The following MDGA2 variants were observed in gnomAD, a reference collection of about 807,000 sequenced individuals.
MDGA2 encodes MAM domain containing glycosylphosphatidylinositol anchor 2.
MDGA2 carries 40 observed loss-of-function variants against 117.8 expected under a neutral mutation model. That is an observed-to-expected ratio of 0.34 (90% CI 0.26 to 0.44). The LOEUF (loss-of-function observed/expected upper bound fraction) is 0.44, where lower values mean the gene tolerates loss of function less well. Ranked by LOEUF, MDGA2 falls within the 20% of genes least tolerant of loss-of-function variation. MDGA2 has a pLI of 1.00. For missense variants in MDGA2, 1,123 were observed against 1,250.6 expected (o/e 0.90, Z 1.54); for synonymous variants, 452 against 439.0 (o/e 1.03, Z -0.37).
At chr14:47,295,006 T>A (rs1173777463) in intron 2 of MDGA2, among the ~76,000 whole-genome samples, 1 of 152,234 alleles carries the variant, frequency 6.6e-6, no homozygotes, top group East Asian at 1.9e-4. Context: ...TAGCCAAATT[T>A]TTTTATGCAA....
chr14:47,198,558 C>T (rs1039678252), intron 3 of MDGA2, among the ~76,000 whole-genome samples: 6 of 151,616 alleles, frequency 4.0e-5, no homozygotes, highest in South Asian at 2.1e-4. Flanking sequence ...GGCGACAGAG[C>T]GAGACTCCGT....
At chr14:46,951,888 A>T (rs1279379801) in intron 9 of MDGA2, among the ~76,000 whole-genome samples, 2 of 151,988 alleles carry the variant, frequency 1.3e-5, no homozygotes, top group African/African-American at 4.8e-5. Context: ...GTAATTCTTT[A>T]TGCAGAAATA....
chr14:46,896,317 A>G (rs1484732876), intron 10 of MDGA2, among the ~76,000 whole-genome samples: 2 of 152,182 alleles, frequency 1.3e-5, no homozygotes, highest in African/African-American at 4.8e-5. Flanking sequence ...AAAAGTAAGA[A>G]AAACAGGCAA....
rs767561845 is a variant in MDGA2 at position 46,855,039 on chromosome 14, T to C, written c.2868A>G (p.Pro956=). The C allele has an allele frequency of 2.5e-6, 4 of 1,600,048 alleles. No homozygotes were observed. In the African/African-American group the frequency reaches 4.1e-5, roughly 16 times the overall value. Residue 956 remains proline (P), a synonymous_variant, in exon 15 of 17, where the codon CCA becomes CCG. Transcript: ENST00000399232. This position sits in a 1 kb window ranked among gnomAD's most constrained non-coding sequence, Gnocchi z 4.1. The part of the protein sequence containing the change: ...RWNEAHVNIY[P]ITSFQLIFEG... The stretch of plus-strand genomic sequence containing the variant: ...CTTTTCTTACCTGAAATGAAGTAAT[T>C]GGGTATATATTAACATGAGCCTCAT...
intron 1 of MDGA2, among the ~76,000 whole-genome samples, chr14:47,514,167 G>T (rs570835294): frequency 2.4e-4 from 36 of 152,130 alleles, no homozygotes; most frequent in African/African-American, 8.4e-4. Context: ...AAAGGTGGAG[G>T]GAAGACTTAC....
intron 8 of MDGA2, among the ~76,000 whole-genome samples, chr14:46,993,586 C>T (rs1014229531): frequency 1.3e-5 from 2 of 151,792 alleles, no homozygotes; most frequent in South Asian, 4.2e-4. Flanking sequence ...ATCAGCCTCC[C>T]GAGTATCTGG....
chr14:47,490,415 T>C (rs1404896378), intron 1 of MDGA2, among the ~76,000 whole-genome samples: 1 of 152,116 alleles, frequency 6.6e-6, no homozygotes, highest in Non-Finnish European at 1.5e-5. Flanking sequence ...TTATTCTGAA[T>C]ACATTTCAAG....
At chr14:47,116,384 G>T (rs1375748100) in intron 5 of MDGA2, among the ~76,000 whole-genome samples, 1 of 151,826 alleles carries the variant, frequency 6.6e-6, no homozygotes, top group Non-Finnish European at 1.5e-5. Context: ...TATTCTAATG[G>T]TATTTTTTAC....
intron 1 of MDGA2, among the ~76,000 whole-genome samples, chr14:47,525,180 C>T (rs1441735148): frequency 6.6e-6 from 1 of 152,208 alleles, no homozygotes; most frequent in Admixed American, 6.5e-5. Flanking sequence ...GCCTTTTCAT[C>T]CTGACAACAC....
At chr14:47,258,599 G>A (rs2139665528) in intron 2 of MDGA2, among the ~76,000 whole-genome samples, 1 of 152,038 alleles carries the variant, frequency 6.6e-6, no homozygotes, top group East Asian at 1.9e-4. Context: ...GTGGGAAAAT[G>A]TAGGTTTTTT....
chr14:46,982,537 C>T (rs879486492), intron 8 of MDGA2, among the ~76,000 whole-genome samples: 1 of 151,158 alleles, frequency 6.6e-6, no homozygotes, highest in Admixed American at 6.6e-5. Flanking sequence ...GGTGAAACCC[C>T]GTCTCCGCTA....
chr14:47,546,839 G>C (rs907970897), intron 1 of MDGA2, among the ~76,000 whole-genome samples: 57 of 152,138 alleles, frequency 3.7e-4, no homozygotes, highest in African/African-American at 1.3e-3. Context: ...TGGATCTCCA[G>C]AAAGTCAGGG....
chr14:47,532,434 T>C (rs1895119871), intron 1 of MDGA2, among the ~76,000 whole-genome samples: 1 of 152,230 alleles, frequency 6.6e-6, no homozygotes, highest in African/African-American at 2.4e-5. Context: ...TTACTGTTTA[T>C]TATTTGTGAG....
intron 1 of MDGA2, among the ~76,000 whole-genome samples, chr14:47,390,161 C>A (rs1315687776): frequency 1.3e-5 from 2 of 152,160 alleles, no homozygotes; most frequent in African/African-American, 2.4e-5. Context: ...GCTTAATTCT[C>A]CCTGTTGAAA....
intron 1 of MDGA2, among the ~76,000 whole-genome samples, chr14:47,646,152 T>C (rs1282088097): frequency 6.6e-6 from 1 of 151,140 alleles, no homozygotes; most frequent in Non-Finnish European, 1.5e-5. Context: ...ATTTTTGAAA[T>C]ATACTCAATG....
chr14:46,853,983 T>C (rs1881164089), intron 15 of MDGA2, among the ~76,000 whole-genome samples: 1 of 151,834 alleles, frequency 6.6e-6, no homozygotes, highest in Non-Finnish European at 1.5e-5. Flanking sequence ...AATAAATCTT[T>C]TATATATCTG....
intron 7 of MDGA2, among the ~76,000 whole-genome samples, chr14:47,051,508 A>G (rs1294768797): frequency 6.6e-6 from 1 of 151,886 alleles, no homozygotes; most frequent in Non-Finnish European, 1.5e-5. Flanking sequence ...AAAATAATCA[A>G]AAGATTATGA....
intron 4 of MDGA2, among the ~76,000 whole-genome samples, chr14:47,141,678 T>A (rs1882723877): frequency 6.6e-6 from 1 of 151,906 alleles, no homozygotes; most frequent in South Asian, 2.1e-4. Flanking sequence ...GTTGACCTCA[T>A]AGAATTAGGG....
intron 14 of MDGA2, among the ~76,000 whole-genome samples, chr14:46,865,547 T>C (rs1476198200): frequency 2.0e-5 from 3 of 152,000 alleles, no homozygotes; most frequent in Admixed American, 6.6e-5. Context: ...CCAGGGCAAT[T>C]AGGCAGGAGA....
Sources: gnomAD v4.1 joint callset for allele counts (sites outside exome capture counted in the v4.1 genomes callset) on GRCh38, gnomAD v4.1.1 for gene constraint, Gnocchi (gnomAD v3.1) non-coding constraint, MANE v1.5 for transcripts, NCBI Gene and HGNC (gene_info 2026-07-23, HGNC 2026-07-21) for gene names.